The following USP13 variants were observed in gnomAD, a reference collection of about 807,000 sequenced individuals.
USP13 encodes the protein ubiquitin specific peptidase 13, also known as ubiquitin carboxyl-terminal hydrolase 13.
USP13 carries 68 observed loss-of-function variants against 107.8 expected under a neutral mutation model. That is an observed-to-expected ratio of 0.63 (90% CI 0.52 to 0.77). The LOEUF (loss-of-function observed/expected upper bound fraction) is 0.77, where lower values mean the gene tolerates loss of function less well. USP13 is among the 30% of genes least tolerant of loss of function. The pLI is 0.00. For missense variants in USP13, 945 were observed against 1,093.3 expected, an observed-to-expected ratio of 0.86 and a Z score of 1.91; for synonymous variants, 377 against 389.5, an observed-to-expected ratio of 0.97 and a Z score of 0.38.
chr3:179,676,030 G>A (rs1013617913), intron 1 of USP13, among the ~76,000 whole-genome samples: 30 of 152,128 alleles, frequency 2.0e-4, no homozygotes, highest in African/African-American at 7.2e-4. Flanking sequence ...TCATGGGGTT[G>A]GTAACCCCCA....
chr3:179,728,210 C>T (rs1241571662), intron 8 of USP13, among the ~76,000 whole-genome samples: 2 of 147,420 alleles, frequency 1.4e-5, no homozygotes, highest in Non-Finnish European at 3.0e-5. Context: ...CTGACCCCCC[C>T]ACCTCCCTGC....
chr3:179,699,751 A>AT (rs959237799), intron 3 of USP13, among the ~76,000 whole-genome samples: 3 of 70,666 alleles, frequency 4.2e-5, no homozygotes, highest in African/African-American at 8.4e-5. Flanking sequence ...TATTTATTTT[A>AT]TTTATTTATT....
intron 1 of USP13, among the ~76,000 whole-genome samples, chr3:179,660,350 G>C (rs1333117149): frequency 6.6e-6 from 1 of 152,054 alleles, no homozygotes; most frequent in Non-Finnish European, 1.5e-5. Context: ...GCTTATTCTA[G>C]GCACTTTATA....
chr3:179,723,551 A>C (rs1044964404), intron 8 of USP13, among the ~76,000 whole-genome samples: 1 of 152,254 alleles, frequency 6.6e-6, no homozygotes, highest in Non-Finnish European at 1.5e-5. Context: ...ATCCTGATGC[A>C]TGTGCAGGAG....
intron 6 of USP13, among the ~76,000 whole-genome samples, chr3:179,715,241 G>C (rs1019438077): frequency 6.6e-6 from 1 of 151,900 alleles, no homozygotes; most frequent in African/African-American, 2.4e-5. Flanking sequence ...GCCCAGGCTG[G>C]TCTTGAACTC....
chr3:179,752,237 CA>C (rs754119714), intron 13 of USP13, 47 bp from the exon 14 acceptor site: 1 of 1,548,576 alleles, frequency 6.5e-7, no homozygotes, highest in South Asian at 1.1e-5. Context: ...ACTGTATTCA[CA>C]ATTCTTATTG....
intron 4 of USP13, among the ~76,000 whole-genome samples, chr3:179,703,552 T>C (rs1263716617): frequency 6.6e-6 from 1 of 152,188 alleles, no homozygotes; most frequent in East Asian, 1.9e-4. Context: ...CATCAGGAAT[T>C]GGAGCAGTGG....
intron 1 of USP13, among the ~76,000 whole-genome samples, chr3:179,674,812 C>T (rs1274975264): frequency 1.3e-5 from 2 of 151,948 alleles, no homozygotes; most frequent in Admixed American, 6.6e-5. Flanking sequence ...GTACCTGTGC[C>T]TTGAGATTGT....
chr3:179,752,436 G>A (rs1384397183), intron 14 of USP13, 63 bp downstream of exon 14: 2 of 1,250,688 alleles, frequency 1.6e-6, no homozygotes, highest in African/African-American at 1.5e-5. Flanking sequence ...AACATGGCAT[G>A]TGAAAGAGCC....
chr3:179,681,580 A>G (rs1711654030), intron 1 of USP13, among the ~76,000 whole-genome samples: 1 of 151,480 alleles, frequency 6.6e-6, no homozygotes. Flanking sequence ...TTGCCTCAAT[A>G]TCTTATCAGT....
intron 3 of USP13, among the ~76,000 whole-genome samples, chr3:179,693,517 G>A (rs1168634781): frequency 6.6e-6 from 1 of 152,042 alleles, no homozygotes; most frequent in East Asian, 1.9e-4. Context: ...CTCAACTGAT[G>A]CTTCTCATCT....
intron 1 of USP13, among the ~76,000 whole-genome samples, chr3:179,664,253 G>A (rs775843439): frequency 3.3e-5 from 5 of 151,606 alleles, no homozygotes; most frequent in Non-Finnish European, 7.4e-5. Flanking sequence ...CACCATGCCC[G>A]GATATTTTTT....
chr3:179,752,467 A>G (rs902414707), intron 14 of USP13, 94 bp downstream of exon 14: 12 of 894,746 alleles, frequency 1.3e-5, no homozygotes, highest in Non-Finnish European at 2.1e-5. Flanking sequence ...GCTGCCACAA[A>G]CAGTTCCATT....
chr3:179,730,131 TTTTGG>T, intron 8 of USP13, 53 bp from the exon 9 acceptor site: 1 of 1,505,382 alleles, frequency 6.6e-7, no homozygotes, highest in African/African-American at 1.4e-5. Flanking sequence ...TGATGGCTTG[TTTTGG>T]TTCTGTTCTT....
At chr3:179,656,199 A>C (rs943847016) in intron 1 of USP13, among the ~76,000 whole-genome samples, 2 of 152,260 alleles carry the variant, frequency 1.3e-5, no homozygotes, top group African/African-American at 2.4e-5. Context: ...TTTGCCTGTA[A>C]TGTATTTGGA....
chr3:179,771,863 T>C lies in USP13; in HGVS notation c.2413+6015T>C, dbSNP rs150667339. 3.6e-3 allele frequency among the ~76,000 whole-genome samples: 550 copies of C among 152,360 alleles called. 2 individuals carry two copies. The highest frequency in any genetic ancestry group is 5.0e-3 in the Non-Finnish European group (341 of 68,026). ...AATGCTACTGCATGAAACGATTATCTAAATGGCGTCTAATTTGTTTAAAAA... is the reference window on the plus strand; with the variant it reads ...AATGCTACTGCATGAAACGATTATCCAAATGGCGTCTAATTTGTTTAAAAA... On this transcript the variant is annotated intron_variant, in intron 19 of 20. Coordinates refer to ENST00000263966, the MANE Select transcript of USP13 (RefSeq NM_003940.3).
intron 19 of USP13, among the ~76,000 whole-genome samples, chr3:179,775,610 C>A (rs529513342): frequency 6.6e-6 from 1 of 152,326 alleles, no homozygotes; most frequent in South Asian, 2.1e-4. Flanking sequence ...CAGGAGCCCA[C>A]CACGGTGGGG....
At chr3:179,723,563 A>C (rs1713402572) in intron 8 of USP13, among the ~76,000 whole-genome samples, 1 of 152,206 alleles carries the variant, frequency 6.6e-6, no homozygotes, top group African/African-American at 2.4e-5. Flanking sequence ...GTGCAGGAGG[A>C]GTGAAGACAG....
chr3:179,658,958 T>C (rs1006085885), intron 1 of USP13, among the ~76,000 whole-genome samples: 1 of 152,096 alleles, frequency 6.6e-6, no homozygotes, highest in African/African-American at 2.4e-5. Flanking sequence ...CTGCATACAG[T>C]GGCTGAACCA....
Sources: allele counts gnomAD v4.1 joint callset (sites outside exome capture counted in the v4.1 genomes callset), GRCh38; gene constraint gnomAD v4.1.1; transcripts MANE v1.5; gene names NCBI Gene and HGNC (gene_info 2026-07-23, HGNC 2026-07-21).